LRRC59: variants seen among roughly 807,000 people sequenced by gnomAD.
The protein encoded by LRRC59 is leucine rich repeat containing 59.
A neutral mutation model predicts 33.5 loss-of-function variants in LRRC59; 18 were observed. That is an observed-to-expected ratio of 0.54 (90% CI 0.37 to 0.80). The LOEUF is 0.80. Among genes scored for constraint, LRRC59 ranks in the 30% least tolerant of loss-of-function variants. LRRC59 has a pLI of 0.00. For synonymous variants in LRRC59, 138 were observed against 160.0 expected, an observed-to-expected ratio of 0.86 and a Z score of 1.04; for missense variants, 330 against 391.9, an observed-to-expected ratio of 0.84 and a Z score of 1.33.
Position 50,397,484 on chromosome 17 carries a change from G to C in LRRC59, c.-167C>G. On this transcript the variant is annotated 5_prime_UTR_variant, in exon 1 of 7. Coordinates refer to ENST00000225972, the MANE Select transcript of LRRC59 (RefSeq NM_018509.4). Reference sequence around the variant, plus strand: ...CCGCTGGCCGCACTCCGAGCCTCGCGCCTAGCTCCCACCGGTGCCGCGACG... The same window carrying C: ...CCGCTGGCCGCACTCCGAGCCTCGCCCCTAGCTCCCACCGGTGCCGCGACG... 1 of 518,004 alleles carries C rather than the reference G, an allele frequency of 1.9e-6. No homozygotes were observed. The highest frequency in any genetic ancestry group is 3.4e-6 in the Non-Finnish European group (1 of 293,584). 32.1% of individuals were successfully genotyped at this position (518,004 alleles called of 1,614,324 possible).
Position 50,382,803 on chromosome 17 carries a change from T to A in LRRC59, c.*185A>T. On this transcript the variant is annotated 3_prime_UTR_variant, in exon 7 of 7. Transcript: ENST00000225972. ...CCCCGCCACCTCCCATTTCTCCTCA[T>A]TCCTTCAGGGAACCCTGACTAAGGA... 244 of 422,932 alleles carry A rather than the reference T, an allele frequency of 5.8e-4. No homozygotes were observed. Among genetic ancestry groups the A allele is most frequent in the Middle Eastern group, 1.6e-3 (2 of 1,274 alleles). 26.2% of individuals were successfully genotyped at this position (422,932 alleles called of 1,614,324 possible). A position where few individuals can be genotyped will look rare whatever the true frequency, so the allele number is the denominator to read the frequency against.
At chr17:50,392,673 C>T (rs1422030364) in intron 3 of LRRC59, 66 bp downstream of exon 3, 1 of 1,585,916 alleles carries the variant, frequency 6.3e-7, no homozygotes, top group Non-Finnish European at 8.6e-7. Flanking sequence ...TTTCTCAGGG[C>T]CGTGCTCCAG....
rs187653173 is a variant in LRRC59, at chr17:50,386,576, A to C, written c.503-1285T>G. ...CATGTAGAAACAAGCTCCAAGTTCCAGCTGGGCACCAGAATGCCAAGAACA... is the reference window on the plus strand; with the variant it reads ...CATGTAGAAACAAGCTCCAAGTTCCCGCTGGGCACCAGAATGCCAAGAACA... On this transcript the variant is annotated intron_variant, in intron 5 of 6. Coordinates refer to ENST00000225972, the MANE Select transcript of LRRC59 (RefSeq NM_018509.4). Among the ~76,000 whole-genome samples, 169 of 152,338 alleles carry C rather than the reference A, an allele frequency of 1.1e-3. 1 individual carries two copies. The highest frequency in any genetic ancestry group is 3.8e-3 in the African/African-American group (158 of 41,574).
intron 5 of LRRC59, among the ~76,000 whole-genome samples, chr17:50,385,602 G>T (rs774069792): frequency 2.0e-5 from 3 of 152,128 alleles, no homozygotes; most frequent in Non-Finnish European, 4.4e-5. Context: ...CTAGAATTAG[G>T]TACTAACTCA....
intron 2 of LRRC59, 141 bp downstream of exon 2, chr17:50,394,788 T>A: frequency 1.7e-6 from 1 of 583,922 alleles, no homozygotes. Context: ...CCCTACACAC[T>A]CAGATTTAGC....
intron 5 of LRRC59, among the ~76,000 whole-genome samples, chr17:50,385,789 G>A (rs942682470): frequency 6.6e-6 from 1 of 152,350 alleles, no homozygotes; most frequent in East Asian, 1.9e-4. Context: ...GCCAGGAGCA[G>A]TAGTTCATGC....
chr17:50,392,283 G>A (rs1914164051), intron 4 of LRRC59, 115 bp downstream of exon 4: 19 of 723,074 alleles, frequency 2.6e-5, no homozygotes, highest in South Asian at 2.2e-4. Context: ...TATTTCACTC[G>A]GACCTGAATG....
At position 50,381,900 on chromosome 17, in the gene LRRC59, G is replaced by A. The variant is rs1490572249; in HGVS notation, c.*1088C>T. On this transcript the variant is annotated 3_prime_UTR_variant, in exon 7 of 7. Coordinates refer to ENST00000225972, the MANE Select transcript of LRRC59 (RefSeq NM_018509.4). ...CCCTTCATATCCTGTTTCCATTTAT[G>A]CCCTTCAGTTATGGTCTAGAATCAA... 1.3e-5 allele frequency: 2 copies of A among 152,630 alleles called. No individual in the cohort carries two copies. The highest frequency in any genetic ancestry group is 2.9e-5 in the Non-Finnish European group (2 of 68,048). The allele number at this position is 152,630 out of a possible 1,614,324, so 9.5% of individuals were successfully genotyped here. A position where few individuals can be genotyped will look rare whatever the true frequency, so the allele number is the denominator to read the frequency against.
At position 50,381,393 on chromosome 17, in the gene LRRC59, C is replaced by A. The variant is rs986683509; in HGVS notation, c.*1595G>T. On this transcript the variant is annotated 3_prime_UTR_variant, in exon 7 of 7. Coordinates refer to ENST00000225972, the MANE Select transcript of LRRC59 (RefSeq NM_018509.4). ...GGGATTATGATGACTATGCGGACTT[C>A]TATATTGTCTTCATCTCATTGTGTG... 1 of 180,110 alleles carries A rather than the reference C, an allele frequency of 5.6e-6. No homozygotes were observed. Among genetic ancestry groups the A allele is most frequent in the Non-Finnish European group, 1.2e-5 (1 of 83,586 alleles). 11.2% of individuals were successfully genotyped at this position (180,110 alleles called of 1,614,324 possible). A position where few individuals can be genotyped will look rare whatever the true frequency, so the allele number is the denominator to read the frequency against.
intron 1 of LRRC59, among the ~76,000 whole-genome samples, chr17:50,395,299 G>A (rs1914244857): frequency 6.7e-6 from 1 of 150,176 alleles, no homozygotes; most frequent in African/African-American, 2.5e-5. Context: ...AGGATCGCTT[G>A]AGCCCAGGAG....
At chr17:50,388,173 T>C (rs1321262280) in intron 4 of LRRC59, 41 bp from the exon 5 acceptor site, 5 of 1,580,290 alleles carry the variant, frequency 3.2e-6, no homozygotes, top group East Asian at 2.2e-5. Context: ...TTCATAGTCA[T>C]GTTTGCTCAG....
rs1913845611 is a variant in LRRC59, at chr17:50,381,525, C to T, written c.*1463G>A. 6.5e-6 allele frequency: 1 copy of T among 153,692 alleles called. No individual in the cohort carries two copies. The highest frequency in any genetic ancestry group is 2.4e-5 in the African/African-American group (1 of 41,450). 9.5% of individuals were successfully genotyped at this position (153,692 alleles called of 1,614,324 possible). A position where few individuals can be genotyped will look rare whatever the true frequency, so the allele number is the denominator to read the frequency against. On this transcript the variant is annotated 3_prime_UTR_variant, in exon 7 of 7. Transcript: ENST00000225972. The stretch of plus-strand genomic sequence containing the variant: ...CTGAGTAAGATGTAGACCTACGCAG[C>T]AGAGCTATGGGGGAGAAGATTAACA...
chr17:50,392,458 G>A lies in LRRC59; in HGVS notation c.369C>T (p.Val123=). The A allele has an allele frequency of 6.2e-7, 1 of 1,614,180 alleles. No homozygotes were observed. The highest frequency in any genetic ancestry group is 1.1e-5 in the South Asian group (1 of 91,080). Residue 123 remains valine, a synonymous_variant, in exon 4 of 7, where the codon GTC becomes GTT. Coordinates refer to ENST00000225972, the MANE Select transcript of LRRC59 (RefSeq NM_018509.4). ...LDLKDNPLDP[V]LAKVAGDCLD... is the part of the protein sequence containing the mutation. The stretch of plus-strand genomic sequence containing the variant: ...AGCAGTCACCTGCCACCTTGGCCAG[G>A]ACAGGATCCAGGGGGTTATCCTTCA...
At position 50,395,397 on chromosome 17, in the gene LRRC59, G is replaced by GC. The variant is rs571473348; in HGVS notation, c.106-410dup. On this transcript the variant is annotated intron_variant, in intron 1 of 6. Coordinates refer to ENST00000225972, the MANE Select transcript of LRRC59 (RefSeq NM_018509.4). ...GAAAGGAAGGCAGGCAGGCAGGCAG[G>GC]CAAGCAAAATTTAGATTCTTAGACA... 5.2e-3 allele frequency among the ~76,000 whole-genome samples: 776 copies of GC among 150,438 alleles called. 4 individuals are homozygous for GC. The highest frequency in any genetic ancestry group is 8.7e-3 in the Non-Finnish European group (589 of 67,754).
intron 2 of LRRC59, among the ~76,000 whole-genome samples, chr17:50,394,347 G>T (rs1411667538): frequency 1.3e-5 from 2 of 152,136 alleles, no homozygotes; most frequent in African/African-American, 4.8e-5. Context: ...CTACACAGGT[G>T]GAGTGGAAGG....
At position 50,397,468 on chromosome 17, in the gene LRRC59, G is replaced by T; in HGVS notation, c.-151C>A. ...GCGAGACCGCCTCCGCCCGCTGGCC[G>T]CACTCCGAGCCTCGCGCCTAGCTCC... On this transcript the variant is annotated 5_prime_UTR_variant, in exon 1 of 7. Coordinates refer to ENST00000225972, the MANE Select transcript of LRRC59 (RefSeq NM_018509.4). 1 of 534,222 alleles carries T rather than the reference G, an allele frequency of 1.9e-6. No individual in the cohort carries two copies. The highest frequency in any genetic ancestry group is 3.3e-6 in the Non-Finnish European group (1 of 307,458). The allele number at this position is 534,222 out of a possible 1,614,324, so 33.1% of individuals were successfully genotyped here.
rs1348029450 is a variant in LRRC59, at chr17:50,382,724, T to C, written c.*264A>G. On this transcript the variant is annotated 3_prime_UTR_variant, in exon 7 of 7. Coordinates refer to ENST00000225972, the MANE Select transcript of LRRC59 (RefSeq NM_018509.4). ...ACTAGAAAAGGCTATGTTTTCTCTC[T>C]CCCCACCCCCAAGCCTACTCCTTTA... The C allele has an allele frequency of 2.0e-6, 1 of 509,766 alleles. No homozygotes were observed. The highest frequency in any genetic ancestry group is 3.5e-6 in the Non-Finnish European group (1 of 286,374). The allele number at this position is 509,766 out of a possible 1,614,324, so 31.6% of individuals were successfully genotyped here. A position where few individuals can be genotyped will look rare whatever the true frequency, so the allele number is the denominator to read the frequency against.
intron 4 of LRRC59, 21 bp from the exon 5 acceptor site, chr17:50,388,153 A>T (rs377098392): frequency 3.1e-6 from 5 of 1,610,270 alleles, no homozygotes; most frequent in Non-Finnish European, 4.2e-6. Context: ...AAAGGAGGAA[A>T]GTAGTGCTCT....
intron 2 of LRRC59, among the ~76,000 whole-genome samples, chr17:50,394,697 C>T (rs1379981849): frequency 6.6e-6 from 1 of 152,206 alleles, no homozygotes; most frequent in Non-Finnish European, 1.5e-5. Flanking sequence ...TGTGGACTGA[C>T]TTTACCACTG....
Sources: gnomAD v4.1 joint callset for allele counts (sites outside exome capture counted in the v4.1 genomes callset) on GRCh38, gnomAD v4.1.1 for gene constraint, MANE v1.5 for transcripts, NCBI Gene and HGNC (gene_info 2026-07-23, HGNC 2026-07-21) for gene names.